TUSC3: variants seen among roughly 807,000 people sequenced by gnomAD.
TUSC3 encodes dolichyl-diphosphooligosaccharide--protein glycosyltransferase subunit TUSC3.
TUSC3 carries 45 observed loss-of-function variants against 44.8 expected under a neutral mutation model. The observed-to-expected ratio is 1.00, with a 90% CI of 0.79 to 1.29. The LOEUF is 1.29. Among genes scored for constraint, TUSC3 ranks in the 50% most tolerant of loss-of-function variants. TUSC3 has a pLI of 0.00. For synonymous variants in TUSC3, 212 were observed against 152.9 expected (o/e 1.39, Z -2.85); for missense variants, 519 against 437.9 (o/e 1.19, Z -1.65).
chr8:15,620,695 C>G (rs1272679011), intron 1 of TUSC3, among the ~76,000 whole-genome samples: 1 of 151,964 alleles, frequency 6.6e-6, no homozygotes, highest in Non-Finnish European at 1.5e-5. Flanking sequence ...AGAACTATTC[C>G]TCTGTGAGGA....
chr8:15,489,978 T>C (rs1235459648), intron 2 of TUSC3, among the ~76,000 whole-genome samples: 1 of 152,208 alleles, frequency 6.6e-6, no homozygotes, highest in Non-Finnish European at 1.5e-5. Flanking sequence ...GGTGCTGAAA[T>C]AGTCAAAATA....
chr8:15,602,216 A>G (rs926702516), intron 1 of TUSC3, among the ~76,000 whole-genome samples: 1 of 151,624 alleles, frequency 6.6e-6, no homozygotes, highest in African/African-American at 2.4e-5. Flanking sequence ...TGGATGAGGG[A>G]TACTCAGCCT....
At chr8:15,679,727 G>A (rs1185027328) in intron 6 of TUSC3, among the ~76,000 whole-genome samples, 1 of 151,986 alleles carries the variant, frequency 6.6e-6, no homozygotes, top group Admixed American at 6.6e-5. Flanking sequence ...ATAGTTTTAG[G>A]TATTTTTAAG....
intron 2 of TUSC3, among the ~76,000 whole-genome samples, chr8:15,535,096 A>C (rs993281957): frequency 6.6e-6 from 1 of 152,228 alleles, no homozygotes; most frequent in African/African-American, 2.4e-5. Context: ...TTCATGTGTT[A>C]AGTAAATTAT....
intron 2 of TUSC3, among the ~76,000 whole-genome samples, chr8:15,517,306 C>T (rs1444347481): frequency 6.6e-6 from 1 of 152,052 alleles, no homozygotes; most frequent in Non-Finnish European, 1.5e-5. Flanking sequence ...ACTCAAGTCT[C>T]GTTTCTAGCA....
At chr8:15,555,530 A>G (rs1802228848) in intron 1 of TUSC3, among the ~76,000 whole-genome samples, 1 of 151,108 alleles carries the variant, frequency 6.6e-6, no homozygotes, top group Non-Finnish European at 1.5e-5. Context: ...CTTGGGCTCA[A>G]GTGATCCCCC....
chr8:15,541,302 T>A (rs138248057), intron 1 of TUSC3, among the ~76,000 whole-genome samples: 114 of 152,284 alleles, frequency 7.5e-4, no homozygotes, highest in African/African-American at 2.6e-3. Flanking sequence ...GTAGGTGGAG[T>A]GTTTGTAAGT....
chr8:15,638,261 T>C (rs1806183287), intron 2 of TUSC3, among the ~76,000 whole-genome samples: 1 of 152,068 alleles, frequency 6.6e-6, no homozygotes, highest in South Asian at 2.1e-4. Context: ...ACTGAAGTTA[T>C]AAATGTTAAT....
At chr8:15,744,906 G>A (rs779950973) in intron 8 of TUSC3, among the ~76,000 whole-genome samples, 2 of 151,900 alleles carry the variant, frequency 1.3e-5, no homozygotes, top group Admixed American at 6.6e-5. Flanking sequence ...ACCCAATAAT[G>A]AGCTTAGTAC....
chr8:15,496,980 A>G (rs1471313874), intron 2 of TUSC3, among the ~76,000 whole-genome samples: 1 of 152,224 alleles, frequency 6.6e-6, no homozygotes, highest in Non-Finnish European at 1.5e-5. Context: ...GGAATACATC[A>G]GTGAACAAAA....
intron 6 of TUSC3, among the ~76,000 whole-genome samples, chr8:15,712,765 C>T (rs1809909914): frequency 6.6e-6 from 1 of 152,104 alleles, no homozygotes; most frequent in East Asian, 1.9e-4. Flanking sequence ...AGTTTCTCAC[C>T]TGCACACCTT....
the TUSC3 span, among the ~76,000 whole-genome samples, chr8:15,849,033 G>C: frequency 6.6e-6 from 1 of 152,246 alleles, no homozygotes; most frequent in Admixed American, 6.5e-5. Flanking sequence ...TTTTAATAAA[G>C]TAAGAGCTCA....
chr8:15,524,828 C>A (rs1203544120), intron 2 of TUSC3, among the ~76,000 whole-genome samples: 3 of 145,142 alleles, frequency 2.1e-5, no homozygotes, highest in Non-Finnish European at 4.6e-5. Flanking sequence ...AGAAAGAGAT[C>A]CCAGAATACA....
At chr8:15,829,611 T>A in the TUSC3 span, among the ~76,000 whole-genome samples, 1 of 152,098 alleles carries the variant, frequency 6.6e-6, no homozygotes, top group East Asian at 1.9e-4. Flanking sequence ...AAAATTTTAA[T>A]TTTTTATTAG....
intron 2 of TUSC3, among the ~76,000 whole-genome samples, chr8:15,501,449 G>A (rs1298940899): frequency 3.9e-5 from 6 of 152,244 alleles, no homozygotes; most frequent in Non-Finnish European, 7.4e-5. Flanking sequence ...TAAGTTACTG[G>A]AAAATAAGAC....
At chr8:15,820,368 G>A in the TUSC3 span, among the ~76,000 whole-genome samples, 2 of 142,616 alleles carry the variant, frequency 1.4e-5, no homozygotes, top group African/African-American at 5.2e-5. Context: ...CTGGAGTGCA[G>A]TGGCGCGATC....
At chr8:15,675,864 CTT>C (rs1453533669) in intron 6 of TUSC3, among the ~76,000 whole-genome samples, 3 of 152,098 alleles carry the variant, frequency 2.0e-5, no homozygotes, top group African/African-American at 7.2e-5. Context: ...GCTTCCATAT[CTT>C]TGGTATTGAG....
intron 1 of TUSC3, among the ~76,000 whole-genome samples, chr8:15,605,043 A>G (rs1240702447): frequency 1.3e-5 from 2 of 151,880 alleles, no homozygotes; most frequent in Non-Finnish European, 2.9e-5. Flanking sequence ...ACTGAAATGA[A>G]CTAAGGTGTT....
chr8:15,548,751 G>A (rs1801957521), intron 1 of TUSC3, among the ~76,000 whole-genome samples: 1 of 151,774 alleles, frequency 6.6e-6, no homozygotes, highest in African/African-American at 2.4e-5. Flanking sequence ...GCCCATGACT[G>A]TACAACTTGT....
Sources: allele counts gnomAD v4.1 joint callset (sites outside exome capture counted in the v4.1 genomes callset), GRCh38; gene constraint gnomAD v4.1.1; transcripts MANE v1.5; gene names NCBI Gene and HGNC (gene_info 2026-07-23, HGNC 2026-07-21).